Variants in BCL2L10 observed in about 807,000 individuals in gnomAD.
BCL2L10 encodes the protein bcl-2-like protein 10.
BCL2L10 carries 14 observed loss-of-function variants against 11.1 expected under a neutral mutation model. That is an observed-to-expected ratio of 1.26 (90% CI 0.83 to 1.96). BCL2L10 has a LOEUF of 1.96. Among genes scored for constraint, BCL2L10 ranks in the 30% most tolerant of loss-of-function variants. The pLI, the probability that BCL2L10 is intolerant of heterozygous loss-of-function variation, is 0.00. For synonymous variants in BCL2L10, 154 were observed against 133.4 expected (o/e 1.15, Z -1.07); for missense variants, 309 against 273.9 (o/e 1.13, Z -0.90).
At chr15:52,111,215 C>G (rs2033050011) in intron 1 of BCL2L10, among the ~76,000 whole-genome samples, 1 of 147,184 alleles carries the variant, frequency 6.8e-6, no homozygotes, top group Non-Finnish European at 1.5e-5. Flanking sequence ...CACACACACA[C>G]ACAGTTAGCC....
At position 52,112,368 on chromosome 15, in the gene BCL2L10, T is replaced by A; in HGVS notation, c.359A>T (p.Lys120Met). ...RGPLVTARWK[K>M]WGFQPRLKEQ... ...CTTTAGCCGCGGCTGGAAGCCCCAC[T>A]TCTTCCACCGGGCGGTCACCAGCGG... is the stretch of plus-strand genomic sequence containing the variant. The change falls in exon 1 of 2, where the codon AAG becomes ATG. Residue 120 changes from lysine (K) to methionine (M), a missense_variant. Lys to Met is a moderately conservative substitution (Grantham distance 95). Coordinates refer to ENST00000260442, the MANE Select transcript of BCL2L10 (RefSeq NM_020396.4). 1.3e-6 allele frequency: 2 copies of A among 1,588,714 alleles called. No individual in the cohort carries two copies. Among genetic ancestry groups the A allele is most frequent in the Non-Finnish European group, 1.7e-6 (2 of 1,169,220 alleles).
chr15:52,111,837 G>A (rs917021867), intron 1 of BCL2L10, among the ~76,000 whole-genome samples: 1 of 152,206 alleles, frequency 6.6e-6, no homozygotes, highest in Non-Finnish European at 1.5e-5. Flanking sequence ...ATAGGCGAAG[G>A]AGAAAAACAC....
chr15:52,109,787 C>T lies in BCL2L10; in HGVS notation c.*61G>A, dbSNP rs757185584. The T allele has an allele frequency of 1.3e-6, 2 of 1,594,798 alleles. No homozygotes were observed. The highest frequency in any genetic ancestry group is 1.7e-5 in the Admixed American group (1 of 58,056). Reference sequence around the variant, plus strand: ...TGCTTTCCCTCAGTTCTTGTTCTCACACATCTGTCATTTAGTTGGTCACAG... The same window carrying T: ...TGCTTTCCCTCAGTTCTTGTTCTCATACATCTGTCATTTAGTTGGTCACAG... On this transcript the variant is annotated 3_prime_UTR_variant, in exon 2 of 2. Transcript: ENST00000260442.
At chr15:52,111,613 C>T (rs1306979248) in intron 1 of BCL2L10, among the ~76,000 whole-genome samples, 1 of 152,016 alleles carries the variant, frequency 6.6e-6, no homozygotes, top group Non-Finnish European at 1.5e-5. Context: ...AGGGCCTGTC[C>T]CTCTAACCTT....
rs1472237576 is a variant in BCL2L10, at chr15:52,112,337, C to T, written c.390G>A (p.Gln130=). ...KWGFQPRLKE[Q]EGDVARDCQR... Reference sequence around the variant, plus strand: ...GGCAGTCCCGGGCGACGTCGCCCTCCTGCTCCTTTAGCCGCGGCTGGAAGC... The same window carrying T: ...GGCAGTCCCGGGCGACGTCGCCCTCTTGCTCCTTTAGCCGCGGCTGGAAGC... Residue 130 remains glutamine, a synonymous_variant, in exon 1 of 2, where the codon CAG becomes CAA. Coordinates refer to ENST00000260442, the MANE Select transcript of BCL2L10 (RefSeq NM_020396.4). The T allele has an allele frequency of 6.3e-7, 1 of 1,595,272 alleles. No homozygotes were observed. Among genetic ancestry groups the T allele is most frequent in the Admixed American group, 1.7e-5 (1 of 59,244 alleles).
chr15:52,109,294 T>C lies in BCL2L10; in HGVS notation c.*554A>G, dbSNP rs2033012318. 3 of 152,228 alleles carry C rather than the reference T, an allele frequency of 2.0e-5. No homozygotes were observed. The highest frequency in any genetic ancestry group is 2.0e-4 in the Admixed American group (3 of 15,282). The allele number at this position is 152,228 out of a possible 1,614,324, so 9.4% of individuals were successfully genotyped here. The stretch of plus-strand genomic sequence containing the variant: ...TTAAAGGTACAAATTTATTAAAACT[T>C]TGCAGTTAACAATTATTGAAGAAAT... On this transcript the variant is annotated 3_prime_UTR_variant, in exon 2 of 2. Transcript: ENST00000260442.
Position 52,109,899 on chromosome 15 carries a change from C to T in BCL2L10, c.564G>A (p.Leu188=). 2 of 1,613,804 alleles carry T rather than the reference C, an allele frequency of 1.2e-6. No homozygotes were observed. Among genetic ancestry groups the T allele is most frequent in the Non-Finnish European group, 1.7e-6 (2 of 1,179,826 alleles). ...FWRKQLVQAF[L]SCLLTTAFIY... is the part of the protein sequence containing the mutation. ...TGAAGGCTGTTGTTAACAAGCATGA[C>T]AGAAAAGCCTGGACCAGCTGTTTTC... The change falls in exon 2 of 2, where the codon CTG becomes CTA. Residue 188 remains leucine (L), a synonymous_variant. Transcript: ENST00000260442.
intron 1 of BCL2L10, 89 bp from the exon 2 acceptor site, chr15:52,110,062 A>G: frequency 7.6e-7 from 1 of 1,322,150 alleles, no homozygotes; most frequent in Non-Finnish European, 1.0e-6. Flanking sequence ...TAAACAGCAA[A>G]GTAAAGTTTG....
At position 52,109,939 on chromosome 15, in the gene BCL2L10, G is replaced by A; in HGVS notation, c.524C>T (p.Pro175Leu). Residue 175 changes from proline to leucine, a missense_variant, in exon 2 of 2, where the codon CCA becomes CTA. Transcript: ENST00000260442. Reference protein sequence around the residue: ...GFCHFFRTPFPLAFWRKQLVQ... With the variant: ...GFCHFFRTPFLLAFWRKQLVQ... Reference sequence around the variant, plus strand: ...CAGCTGTTTTCTCCAAAAAGCCAGTGGAAAGGGGGTCCTGAAGAAGTGACA... The same window carrying A: ...CAGCTGTTTTCTCCAAAAAGCCAGTAGAAAGGGGGTCCTGAAGAAGTGACA... The A allele has an allele frequency of 1.2e-6, 2 of 1,613,490 alleles. No homozygotes were observed. Among genetic ancestry groups the A allele is most frequent in the Non-Finnish European group, 1.7e-6 (2 of 1,179,698 alleles).
Position 52,109,796 on chromosome 15 carries a change from C to A in BCL2L10, c.*52G>T. 6.2e-7 allele frequency: 1 copy of A among 1,602,456 alleles called. No individual in the cohort carries two copies. The highest frequency in any genetic ancestry group is 1.1e-5 in the South Asian group (1 of 89,434). On this transcript the variant is annotated 3_prime_UTR_variant, in exon 2 of 2. Coordinates refer to ENST00000260442, the MANE Select transcript of BCL2L10 (RefSeq NM_020396.4). ...TCAGTTCTTGTTCTCACACATCTGTCATTTAGTTGGTCACAGTTGGGCAGG... is the reference window on the plus strand; with the variant it reads ...TCAGTTCTTGTTCTCACACATCTGTAATTTAGTTGGTCACAGTTGGGCAGG...
Position 52,109,948 on chromosome 15 carries a change from G to A in BCL2L10, c.515C>T (p.Thr172Ile), listed in dbSNP as rs1035170077. The A allele has an allele frequency of 6.2e-7, 1 of 1,612,718 alleles. No homozygotes were observed. The change falls in exon 2 of 2, where the codon ACC (threonine) becomes ATC (isoleucine). Residue 172 changes from threonine to isoleucine, a missense_variant. Transcript: ENST00000260442. ...GWDGFCHFFR[T>I]PFPLAFWRKQ... ...TCTCCAAAAAGCCAGTGGAAAGGGG[G>A]TCCTGAAGAAGTGACAAAAGCCATC...
At position 52,109,981 on chromosome 15, in the gene BCL2L10, G is replaced by C. The variant is rs1481752237; in HGVS notation, c.490-8C>G. ...GAAGTGACAAAAGCCATCCTACAGG[G>C]GGGAGAGAGAAAAGTTAGATTGCCT... On this transcript the variant is annotated splice_region_variant and splice_polypyrimidine_tract_variant and intron_variant, in intron 1 of 1. Transcript: ENST00000260442. The C allele has an allele frequency of 3.1e-6, 5 of 1,592,940 alleles. No homozygotes were observed. The highest frequency in any genetic ancestry group is 4.3e-6 in the Non-Finnish European group (5 of 1,170,678).
rs777133899 is a variant in BCL2L10 at position 52,112,498 on chromosome 15, G to C, written c.229C>G (p.Leu77Val). 7 of 1,600,992 alleles carry C rather than the reference G, an allele frequency of 4.4e-6. No homozygotes were observed. In the East Asian group the frequency reaches 8.9e-5, roughly 20 times the overall value. Residue 77 changes from leucine (L) to valine (V), a missense_variant, in exon 1 of 2, where the codon CTG becomes GTG. Physicochemically the swap from Leu to Val is conservative, Grantham distance 32 (BLOSUM62 1). Coordinates refer to ENST00000260442, the MANE Select transcript of BCL2L10 (RefSeq NM_020396.4). ...YLGYPGNRFE[L>V]VALMADSVLS... ...ACGGAATCCGCCATCAGCGCCACCA[G>C]CTCGAAGCGGTTCCCGGGGTAGCCG...
At chr15:52,112,200 C>T in intron 1 of BCL2L10, 38 bp downstream of exon 1, 2 of 1,436,148 alleles carry the variant, frequency 1.4e-6, no homozygotes. Flanking sequence ...CCCGGCTGCC[C>T]GTCCCGCCCC....
chr15:52,112,393 G>A lies in BCL2L10; in HGVS notation c.334C>T (p.Pro112Ser). Residue 112 changes from proline (P) to serine (S), a missense_variant, in exon 1 of 2, where the codon CCG becomes TCG. By Grantham distance (74) the Pro-to-Ser change is moderately conservative. Coordinates refer to ENST00000260442, the MANE Select transcript of BCL2L10 (RefSeq NM_020396.4). The stretch of plus-strand genomic sequence containing the variant: ...TTCTTCCACCGGGCGGTCACCAGCG[G>A]CCCTCTCTCCAGCAGCGTCCCTGCG... The part of the protein sequence containing the change: ...TFAGTLLERG[P>S]LVTARWKKWG... The A allele has an allele frequency of 6.2e-7, 1 of 1,606,772 alleles. No individual in the cohort carries two copies. The highest frequency in any genetic ancestry group is 8.5e-7 in the Non-Finnish European group (1 of 1,179,514).
chr15:52,112,088 A>G, intron 1 of BCL2L10, 150 bp downstream of exon 1: 1 of 1,350,106 alleles, frequency 7.4e-7, no homozygotes, highest in Non-Finnish European at 9.5e-7. Context: ...CTTCACAGCG[A>G]ACGTTCCAGG....
intron 1 of BCL2L10, 146 bp downstream of exon 1, chr15:52,112,091 GT>G: frequency 7.4e-7 from 1 of 1,352,764 alleles, no homozygotes; most frequent in Non-Finnish European, 9.5e-7. Context: ...CACAGCGAAC[GT>G]TCCAGGCCCG....
intron 1 of BCL2L10, among the ~76,000 whole-genome samples, chr15:52,110,915 T>C (rs2033044663): frequency 6.6e-6 from 1 of 152,156 alleles, no homozygotes; most frequent in Non-Finnish European, 1.5e-5. Context: ...GGCACGCAGC[T>C]GAAGGGAGTT....
At chr15:52,111,186 ACAC>A (rs2033049729) in intron 1 of BCL2L10, among the ~76,000 whole-genome samples, 1 of 148,612 alleles carries the variant, frequency 6.7e-6, no homozygotes, top group Non-Finnish European at 1.5e-5. Flanking sequence ...ACACACACAC[ACAC>A]ACACACACAC....
Sources: gnomAD v4.1 joint callset for allele counts (sites outside exome capture counted in the v4.1 genomes callset) on GRCh38, gnomAD v4.1.1 for gene constraint, MANE v1.5 for transcripts, NCBI Gene and HGNC (gene_info 2026-07-23, HGNC 2026-07-21) for gene names.